The following CNTN5 variants were observed in gnomAD, a reference collection of about 807,000 sequenced individuals.
CNTN5 encodes contactin 5, also known as contactin-5.
CNTN5 carries 77 observed loss-of-function variants against 129.1 expected under a neutral mutation model. The ratio of observed to expected loss-of-function variants is 0.60; its 90% CI spans 0.50 to 0.72. CNTN5 has a LOEUF of 0.72. Among genes scored for constraint, CNTN5 ranks in the 30% least tolerant of loss-of-function variants. The pLI is 0.00. For missense variants in CNTN5, 1,478 were observed against 1,328.8 expected, an observed-to-expected ratio of 1.11 and a Z score of -1.75; for synonymous variants, 509 against 465.6, an observed-to-expected ratio of 1.09 and a Z score of -1.20.
chr11:99,433,787 T>C (rs1049637825), intron 2 of CNTN5, among the ~76,000 whole-genome samples: 7 of 152,144 alleles, frequency 4.6e-5, no homozygotes, highest in African/African-American at 2.4e-5. Flanking sequence ...ATGTTATTTA[T>C]TAAATGTAAA....
intron 9 of CNTN5, among the ~76,000 whole-genome samples, chr11:100,028,769 A>G (rs1256899914): frequency 6.6e-6 from 1 of 152,158 alleles, no homozygotes; most frequent in African/African-American, 2.4e-5. Flanking sequence ...GAAACTCTGA[A>G]CCCACAAAAA....
chr11:99,930,979 T>A (rs1291282595), intron 7 of CNTN5, among the ~76,000 whole-genome samples: 2 of 152,016 alleles, frequency 1.3e-5, no homozygotes, highest in African/African-American at 4.8e-5. Context: ...TTTTCCTTTG[T>A]GAGTAAAAAA....
At chr11:99,536,477 C>T (rs1947902754) in intron 2 of CNTN5, among the ~76,000 whole-genome samples, 1 of 152,032 alleles carries the variant, frequency 6.6e-6, no homozygotes, top group Non-Finnish European at 1.5e-5. Flanking sequence ...AAATATTGAA[C>T]TTACAGAGTA....
rs183900810 is a variant in CNTN5 at position 99,786,832 on chromosome 11, A to G, written c.56-32712A>G. Among the ~76,000 whole-genome samples the G allele has an allele frequency of 1.4e-3, 219 of 152,340 alleles. 4 individuals are homozygous for G. The South Asian group carries it at 0.019, about 13-fold the overall frequency. On this transcript the variant is annotated intron_variant, in intron 3 of 24. Coordinates refer to ENST00000524871, the MANE Select transcript of CNTN5 (RefSeq NM_014361.4). ...AAAACTGAAACTGGACCCCTTCCTT[A>G]CACGTTATACAAAAATTAACTGAAG... is the stretch of plus-strand genomic sequence containing the variant.
chr11:99,375,203 T>C (rs942436845), intron 2 of CNTN5, among the ~76,000 whole-genome samples: 1 of 145,796 alleles, frequency 6.9e-6, no homozygotes, highest in Non-Finnish European at 1.5e-5. Context: ...CTCGGGAGGC[T>C]GAGGCACGAG....
At chr11:99,237,395 T>C (rs1284338353) in intron 1 of CNTN5, among the ~76,000 whole-genome samples, 1 of 152,168 alleles carries the variant, frequency 6.6e-6, no homozygotes, top group Non-Finnish European at 1.5e-5. Flanking sequence ...TTAATAAGTA[T>C]TTATAGGCCA....
intron 3 of CNTN5, among the ~76,000 whole-genome samples, chr11:99,638,874 A>G (rs1327185333): frequency 2.0e-5 from 3 of 152,136 alleles, no homozygotes; most frequent in Admixed American, 2.0e-4. Context: ...GCAAGCCATC[A>G]GTGGATCTAC....
At chr11:99,514,772 C>T (rs1946982078) in intron 2 of CNTN5, among the ~76,000 whole-genome samples, 2 of 152,010 alleles carry the variant, frequency 1.3e-5, no homozygotes, top group Admixed American at 1.3e-4. Flanking sequence ...AACCAAAAAG[C>T]TAGTGTGACT....
intron 3 of CNTN5, among the ~76,000 whole-genome samples, chr11:99,668,913 A>G (rs77308698): frequency 0.013 from 1,965 of 152,260 alleles, 51 homozygotes; most frequent in African/African-American, 0.043. Context: ...TTCTCACCTC[A>G]TTTTGTGTTG....
At chr11:99,638,113 A>G (rs1007483616) in intron 3 of CNTN5, among the ~76,000 whole-genome samples, 1 of 152,196 alleles carries the variant, frequency 6.6e-6, no homozygotes, top group Non-Finnish European at 1.5e-5. Context: ...TTACAGTTCC[A>G]CGTACCTTGT....
rs559806076 is a variant in CNTN5 at position 100,060,634 on chromosome 11, T to A, written c.981-578T>A. Reference sequence around the variant, plus strand: ...TGTCATTTACAAAAACATAACAATTTTTTTTCTTTTTTTTTTTTTTTTAAG... The same window carrying A: ...TGTCATTTACAAAAACATAACAATTATTTTTCTTTTTTTTTTTTTTTTAAG... On this transcript the variant is annotated intron_variant, in intron 9 of 24. Transcript: ENST00000524871. 2.2e-3 allele frequency among the ~76,000 whole-genome samples: 237 copies of A among 105,644 alleles called. 1 individual carries two copies. Among genetic ancestry groups the A allele is most frequent in the African/African-American group, 9.6e-3 (234 of 24,272 alleles). 69.3% of individuals were successfully genotyped at this position (105,644 alleles called of 152,430 possible). A position where few individuals can be genotyped will look rare whatever the true frequency, so the allele number is the denominator to read the frequency against.
At chr11:99,573,400 C>A (rs568321580) in intron 3 of CNTN5, among the ~76,000 whole-genome samples, 162 of 151,824 alleles carry the variant, frequency 1.1e-3, no homozygotes, top group Non-Finnish European at 1.5e-3. Context: ...GAAACCCCGT[C>A]TCTACTAAAA....
intron 1 of CNTN5, among the ~76,000 whole-genome samples, chr11:99,140,283 G>T (rs993829879): frequency 1.3e-5 from 2 of 151,894 alleles, no homozygotes; most frequent in Non-Finnish European, 2.9e-5. Flanking sequence ...GTATCTTGGG[G>T]GTTTGGTGTA....
At chr11:99,092,987 A>C (rs1449472557) in intron 1 of CNTN5, among the ~76,000 whole-genome samples, 1 of 152,058 alleles carries the variant, frequency 6.6e-6, no homozygotes, top group Non-Finnish European at 1.5e-5. Context: ...TGGGTTCTCC[A>C]ATTTTCATTG....
chr11:99,145,943 A>T (rs1565354033), intron 1 of CNTN5, among the ~76,000 whole-genome samples: 1 of 149,184 alleles, frequency 6.7e-6, no homozygotes, highest in African/African-American at 2.5e-5. Context: ...AAGTATGTTG[A>T]TTTTTTTTTT....
chr11:99,502,138 T>C (rs1946448046), intron 2 of CNTN5, among the ~76,000 whole-genome samples: 1 of 152,216 alleles, frequency 6.6e-6, no homozygotes, highest in Admixed American at 6.5e-5. Flanking sequence ...TTCAATTGTA[T>C]TATGTTGTCC....
At chr11:99,153,491 T>TG (rs1565360057) in intron 1 of CNTN5, among the ~76,000 whole-genome samples, 1 of 151,632 alleles carries the variant, frequency 6.6e-6, no homozygotes, top group African/African-American at 2.4e-5. Context: ...AGATCAGGTT[T>TG]TTTTTTTTTT....
intron 13 of CNTN5, among the ~76,000 whole-genome samples, chr11:100,165,648 T>C (rs1271544370): frequency 1.3e-5 from 2 of 151,802 alleles, no homozygotes; most frequent in Non-Finnish European, 2.9e-5. Flanking sequence ...TTGAATCATC[T>C]TCCATCACAT....
In CNTN5 at chr11:99,424,599, G is replaced by T. The variant is rs966087570; in HGVS notation, c.-71+99115G>T. ...AGCTGGGCCAGACGTAATGTAAGTG[G>T]CATGCACTGTGAGCACTGGGGAACA... On this transcript the variant is annotated intron_variant, in intron 2 of 24. Transcript: ENST00000524871. Among the ~76,000 whole-genome samples, 4 of 152,376 alleles carry T rather than the reference G, an allele frequency of 2.6e-5. No homozygotes were observed. In the East Asian group the frequency reaches 5.8e-4, roughly 22 times the overall value.
Sources: gnomAD v4.1 joint callset for allele counts (sites outside exome capture counted in the v4.1 genomes callset) on GRCh38, gnomAD v4.1.1 for gene constraint, MANE v1.5 for transcripts, NCBI Gene and HGNC (gene_info 2026-07-23, HGNC 2026-07-21) for gene names.